GABRA3: variants seen among roughly 807,000 people sequenced by gnomAD.
GABRA3 encodes gamma-aminobutyric acid receptor subunit alpha-3.
A neutral mutation model predicts 30.1 loss-of-function variants in GABRA3; 10 were observed. That is an observed-to-expected ratio of 0.33 (90% CI 0.20 to 0.56). GABRA3 has a LOEUF of 0.56. Among genes scored for constraint, GABRA3 ranks in the 20% least tolerant of loss-of-function variants. GABRA3 has a pLI of 0.89. For synonymous variants in GABRA3, 151 were observed against 146.8 expected (o/e 1.03, Z -0.21); for missense variants, 233 against 392.0 (o/e 0.59, Z 3.42).
intron 3 of GABRA3, among the ~76,000 whole-genome samples, chrX:152,287,734 T>C (rs1216511241): frequency 9.0e-6 from 1 of 111,012 alleles, no homozygotes; most frequent in Non-Finnish European, 1.9e-5. Flanking sequence ...CTTCTGTCTA[T>C]ATTGCCTCCT....
chrX:152,307,045 C>T (rs763069290), intron 3 of GABRA3, among the ~76,000 whole-genome samples: 19 of 110,513 alleles, frequency 1.7e-4, no homozygotes, highest in African/African-American at 4.6e-4. Flanking sequence ...TTTCTCCCTT[C>T]GTACCTCATG....
At chrX:152,351,897 C>G (rs1404732548) in intron 2 of GABRA3, among the ~76,000 whole-genome samples, 1 of 110,948 alleles carries the variant, frequency 9.0e-6, no homozygotes, top group African/African-American at 3.3e-5. Context: ...GAAGGAAGGC[C>G]TAAGGAGAGG....
chrX:152,279,468 A>G (rs1158819467), intron 4 of GABRA3, among the ~76,000 whole-genome samples: 3 of 111,318 alleles, frequency 2.7e-5, no homozygotes, highest in Admixed American at 1.9e-4. Flanking sequence ...CCATTGGTCT[A>G]TATCTCTGTT....
intron 1 of GABRA3, among the ~76,000 whole-genome samples, chrX:152,380,143 A>G (rs1929104342): frequency 8.9e-6 from 1 of 111,873 alleles, no homozygotes. Flanking sequence ...TCATTTTGAA[A>G]TATACAATAC....
At chrX:152,339,292 A>G (rs1385795616) in intron 3 of GABRA3, among the ~76,000 whole-genome samples, 1 of 106,572 alleles carries the variant, frequency 9.4e-6, no homozygotes, top group Non-Finnish European at 1.9e-5. Flanking sequence ...CGGTGGTGTG[A>G]TCTCGGCTCA....
intron 9 of GABRA3, among the ~76,000 whole-genome samples, chrX:152,172,163 A>T (rs955350824): frequency 1.8e-5 from 2 of 111,907 alleles, no homozygotes; most frequent in Non-Finnish European, 3.8e-5. Flanking sequence ...GAGTAGACAT[A>T]TCTCCAAAAA....
intron 7 of GABRA3, among the ~76,000 whole-genome samples, chrX:152,205,668 T>C (rs182050906): frequency 8.9e-6 from 1 of 112,034 alleles, no homozygotes; most frequent in Non-Finnish European, 1.9e-5. Flanking sequence ...AAATGTGTGG[T>C]GTGTTCATTC....
intron 4 of GABRA3, among the ~76,000 whole-genome samples, chrX:152,280,264 A>ATT (rs1939175743): frequency 9.0e-6 from 1 of 111,258 alleles, no homozygotes; most frequent in Non-Finnish European, 1.9e-5. Context: ...ACTCCTAGAA[A>ATT]AAGCTCAAGG....
intron 1 of GABRA3, among the ~76,000 whole-genome samples, chrX:152,401,516 C>T (rs1603254788): frequency 1.8e-5 from 2 of 111,300 alleles, no homozygotes; most frequent in East Asian, 5.6e-4. Flanking sequence ...AAATCTAAAA[C>T]ACAAAGAGGT....
intron 7 of GABRA3, among the ~76,000 whole-genome samples, chrX:152,201,498 C>T (rs966111784): frequency 8.9e-6 from 1 of 112,192 alleles, no homozygotes; most frequent in African/African-American, 3.2e-5. Context: ...GATTCTCTCC[C>T]TCCTTGCCCC....
At chrX:152,188,618 T>C (rs1311279012) in intron 9 of GABRA3, among the ~76,000 whole-genome samples, 3 of 111,562 alleles carry the variant, frequency 2.7e-5, no homozygotes, top group African/African-American at 9.8e-5. Flanking sequence ...AAAAATCCTA[T>C]GGTAGAGTAG....
At chrX:152,359,205 T>C (rs1258640842) in intron 2 of GABRA3, among the ~76,000 whole-genome samples, 1 of 111,381 alleles carries the variant, frequency 9.0e-6, no homozygotes, top group Non-Finnish European at 1.9e-5. Context: ...TTCGGATTGG[T>C]AGGCTTTTTT....
chrX:152,259,834 G>T (rs58080184), intron 4 of GABRA3, among the ~76,000 whole-genome samples: 21,972 of 109,315 alleles, frequency 0.2, 2,412 homozygotes, highest in African/African-American at 0.42. Context: ...GGTACTAGAC[G>T]CTTTCTGCTT....
At chrX:152,334,974 C>T (rs1381849016) in intron 3 of GABRA3, among the ~76,000 whole-genome samples, 2 of 111,461 alleles carry the variant, frequency 1.8e-5, no homozygotes, top group Non-Finnish European at 3.8e-5. Flanking sequence ...TAAGGCACGA[C>T]GTCAGCATTT....
chrX:152,296,863 C>T (rs1939538724), intron 3 of GABRA3, among the ~76,000 whole-genome samples: 1 of 109,956 alleles, frequency 9.1e-6, no homozygotes, highest in Admixed American at 9.7e-5. Context: ...CCACACCTGA[C>T]TATTTTTGTA....
intron 5 of GABRA3, among the ~76,000 whole-genome samples, chrX:152,245,166 G>A (rs1353828127): frequency 9.1e-6 from 1 of 110,155 alleles, no homozygotes; most frequent in Non-Finnish European, 1.9e-5. Flanking sequence ...GAGCCATACC[G>A]AAAGCAATCT....
chrX:152,294,978 CCT>C (rs1939499332), intron 3 of GABRA3, among the ~76,000 whole-genome samples: 1 of 110,658 alleles, frequency 9.0e-6, no homozygotes, highest in Non-Finnish European at 1.9e-5. Flanking sequence ...CACTCCAGAC[CCT>C]GTTTGCCTGG....
chrX:152,378,626 A>G (rs1366982420), intron 1 of GABRA3, among the ~76,000 whole-genome samples: 3 of 111,873 alleles, frequency 2.7e-5, no homozygotes, highest in African/African-American at 6.5e-5. Context: ...CAAGCTAAAT[A>G]GAAAGCATTA....
chrX:152,345,740 C>G, intron 2 of GABRA3, 38 bp from the exon 3 acceptor site: 1 of 1,128,100 alleles, frequency 8.9e-7, no homozygotes, highest in Non-Finnish European at 1.2e-6. Context: ...AATAATAGTT[C>G]TTAATAGGAA....
Sources: allele counts gnomAD v4.1 joint callset (sites outside exome capture counted in the v4.1 genomes callset), GRCh38; gene constraint gnomAD v4.1.1; transcripts MANE v1.5; gene names NCBI Gene and HGNC (gene_info 2026-07-23, HGNC 2026-07-21).